POU6F2: variants seen among roughly 807,000 people sequenced by gnomAD.
The protein encoded by POU6F2 is POU class 6 homeobox 2.
POU6F2 carries 31 observed loss-of-function variants against 71.3 expected under a neutral mutation model. The ratio of observed to expected loss-of-function variants is 0.43; its 90% confidence interval spans 0.33 to 0.59. The LOEUF (loss-of-function observed/expected upper bound fraction) is 0.59, where lower values mean the gene tolerates loss of function less well. Ranked by LOEUF, POU6F2 falls within the 20% of genes least tolerant of loss-of-function variation. POU6F2 has a pLI of 0.04. For synonymous variants in POU6F2, 347 were observed against 355.7 expected (o/e 0.98, Z 0.27); for missense variants, 783 against 856.8 (o/e 0.91, Z 1.07).
intron 5 of POU6F2, among the ~76,000 whole-genome samples, chr7:39,382,664 C>G (rs1436290217): frequency 1.3e-5 from 2 of 152,192 alleles, no homozygotes; most frequent in Admixed American, 1.3e-4. Flanking sequence ...TTGTAGCTTG[C>G]AGGTTTTCAG....
intron 5 of POU6F2, among the ~76,000 whole-genome samples, chr7:39,347,206 C>T (rs1285415432): frequency 2.0e-5 from 3 of 151,988 alleles, no homozygotes; most frequent in Non-Finnish European, 1.5e-5. Context: ...ACTTTTTTTC[C>T]ATCCTCGACT....
intron 7 of POU6F2, among the ~76,000 whole-genome samples, chr7:39,434,312 G>T (rs1386582709): frequency 1.3e-5 from 2 of 152,082 alleles, no homozygotes; most frequent in Non-Finnish European, 2.9e-5. Context: ...TCATAGAAGG[G>T]CTCTATAAAC....
intron 2 of POU6F2, among the ~76,000 whole-genome samples, chr7:39,145,827 T>G (rs1792610369): frequency 6.6e-6 from 1 of 152,366 alleles, no homozygotes; most frequent in Admixed American, 6.5e-5. Context: ...ACCCATCCTC[T>G]ATTCATTTTT....
At chr7:39,267,738 G>A (rs1784275482) in intron 4 of POU6F2, among the ~76,000 whole-genome samples, 1 of 151,974 alleles carries the variant, frequency 6.6e-6, no homozygotes, top group Non-Finnish European at 1.5e-5. Context: ...CTGAATAGCT[G>A]GGAGTTCAGG....
intron 1 of POU6F2, among the ~76,000 whole-genome samples, chr7:39,014,280 A>G (rs1374081272): frequency 6.6e-6 from 1 of 152,162 alleles, no homozygotes; most frequent in Non-Finnish European, 1.5e-5. Context: ...AACATTTCCC[A>G]CAGGAGATTG....
At chr7:39,374,231 G>A (rs1407076131) in intron 5 of POU6F2, among the ~76,000 whole-genome samples, 6 of 152,196 alleles carry the variant, frequency 3.9e-5, no homozygotes, top group African/African-American at 1.4e-4. Context: ...ATTTATGCAT[G>A]TATATGTGTC....
At chr7:39,264,818 A>G (rs1784210237) in intron 4 of POU6F2, among the ~76,000 whole-genome samples, 1 of 152,192 alleles carries the variant, frequency 6.6e-6, no homozygotes, top group Non-Finnish European at 1.5e-5. Flanking sequence ...ACACATATGT[A>G]TGTGTGTGTG....
chr7:39,277,935 T>C (rs192230405), intron 4 of POU6F2, among the ~76,000 whole-genome samples: 22 of 152,138 alleles, frequency 1.4e-4, no homozygotes, highest in Non-Finnish European at 2.6e-4. Context: ...CACGCGCCTG[T>C]AGTCCCAGCT....
chr7:39,199,859 C>T (rs972668317), intron 2 of POU6F2, among the ~76,000 whole-genome samples: 4 of 152,192 alleles, frequency 2.6e-5, no homozygotes, highest in African/African-American at 2.4e-5. Context: ...ATTTTGATGT[C>T]TTCACCATTT....
chr7:39,194,787 AG>A (rs1185198943), intron 2 of POU6F2, among the ~76,000 whole-genome samples: 1 of 152,160 alleles, frequency 6.6e-6, no homozygotes, highest in Non-Finnish European at 1.5e-5. Context: ...CTCACCGCGA[AG>A]GTCTGCAGCT....
chr7:39,003,632 C>G (rs937804925), intron 1 of POU6F2, among the ~76,000 whole-genome samples: 2 of 151,216 alleles, frequency 1.3e-5, no homozygotes, highest in African/African-American at 4.9e-5. Context: ...ACCTGTAGTC[C>G]CAGCTACTCG....
rs76084484 is a variant in POU6F2 at position 39,046,517 on chromosome 7, G to A, written c.106-39343G>A. 8.6e-3 allele frequency among the ~76,000 whole-genome samples: 1,313 copies of A among 151,964 alleles called. 9 individuals are homozygous for A. The highest frequency in any genetic ancestry group is 0.024 in the Middle Eastern group (7 of 294). Reference sequence around the variant, plus strand: ...ATTAAGAATTCCTTATATAACCCAAGTCACAGAGCTTTTCTTCTAGATCAG... The same window carrying A: ...ATTAAGAATTCCTTATATAACCCAAATCACAGAGCTTTTCTTCTAGATCAG... On this transcript the variant is annotated intron_variant, in intron 1 of 9. Transcript: ENST00000518318.
At chr7:39,138,069 G>T (rs1286678570) in intron 2 of POU6F2, among the ~76,000 whole-genome samples, 2 of 152,128 alleles carry the variant, frequency 1.3e-5, no homozygotes, top group African/African-American at 4.8e-5. Context: ...CATGCTTTTT[G>T]AATATAAGGA....
intron 4 of POU6F2, among the ~76,000 whole-genome samples, chr7:39,315,417 G>C (rs1362858661): frequency 6.6e-6 from 1 of 152,180 alleles, no homozygotes; most frequent in Non-Finnish European, 1.5e-5. Context: ...TATTAAGTGT[G>C]ACACATAATA....
At chr7:39,009,332 G>A (rs564480601) in intron 1 of POU6F2, among the ~76,000 whole-genome samples, 4,129 of 151,788 alleles carry the variant, frequency 0.027, 186 homozygotes, top group African/African-American at 0.095. Flanking sequence ...TTTGTCTGTT[G>A]TTGGTGTATA....
intron 2 of POU6F2, among the ~76,000 whole-genome samples, chr7:39,122,527 G>C (rs756552391): frequency 9.9e-5 from 15 of 152,236 alleles, no homozygotes; most frequent in Non-Finnish European, 1.9e-4. Context: ...AGCATGAAGT[G>C]TGCATATAAC....
intron 2 of POU6F2, among the ~76,000 whole-genome samples, chr7:39,145,213 C>G (rs993874541): frequency 6.6e-6 from 1 of 152,056 alleles, no homozygotes; most frequent in Non-Finnish European, 1.5e-5. Context: ...AGTTTATTTC[C>G]TCCATAAGTT....
intron 4 of POU6F2, among the ~76,000 whole-genome samples, chr7:39,220,889 A>C (rs1794340586): frequency 6.6e-6 from 1 of 152,048 alleles, no homozygotes; most frequent in Non-Finnish European, 1.5e-5. Flanking sequence ...ACACATGGCT[A>C]TTGGGCATTT....
rs575949673 is a variant in POU6F2 at position 39,052,192 on chromosome 7, A to C, written c.106-33668A>C. ...ATACCTAGCCAGTTTAACAACCATT[A>C]TTCTTAATCTTCAGAACAACTCCAT... On this transcript the variant is annotated intron_variant, in intron 1 of 9. Coordinates refer to ENST00000518318, the MANE Select transcript of POU6F2 (RefSeq NM_001370959.1). Among the ~76,000 whole-genome samples, 10 of 152,234 alleles carry C rather than the reference A, an allele frequency of 6.6e-5. No homozygotes were observed. In the South Asian group the frequency reaches 1.9e-3, roughly 28 times the overall value.
Sources: gnomAD v4.1 joint callset for allele counts (sites outside exome capture counted in the v4.1 genomes callset) on GRCh38, gnomAD v4.1.1 for gene constraint, MANE v1.5 for transcripts, NCBI Gene and HGNC (gene_info 2026-07-23, HGNC 2026-07-21) for gene names.